The following SP100 variants were observed in gnomAD, a reference collection of about 807,000 sequenced individuals.
SP100 encodes SP100 nuclear body protein, also known as nuclear autoantigen Sp-100.
SP100 carries 84 observed loss-of-function variants against 130.0 expected under a neutral mutation model. That is an observed-to-expected ratio of 0.65 (90% confidence interval 0.54 to 0.77). SP100 has a LOEUF of 0.77. Ranked by LOEUF, SP100 falls within the 30% of genes least tolerant of loss-of-function variation. SP100 has a pLI of 0.00. For missense variants in SP100, 978 were observed against 1,052.2 expected, an observed-to-expected ratio of 0.93 and a Z score of 0.97; for synonymous variants, 331 against 351.7, an observed-to-expected ratio of 0.94 and a Z score of 0.66.
At chr2:230,524,198 A>G (rs1362720801) in intron 24 of SP100, among the ~76,000 whole-genome samples, 13 of 148,998 alleles carry the variant, frequency 8.7e-5, no homozygotes, top group African/African-American at 2.2e-4. Context: ...AAAAAAAAAA[A>G]AAAGAAAATT....
chr2:230,493,793 C>A (rs528178593), intron 17 of SP100: 1 of 151,960 alleles, frequency 6.6e-6, no homozygotes. Flanking sequence ...TTTTTTGAGA[C>A]GGAGTCTTGC....
Position 230,543,180 on chromosome 2 carries a change from T to G in SP100, c.*234T>G, listed in dbSNP as rs933689323. On this transcript the variant is annotated 3_prime_UTR_variant, in exon 29 of 29. Coordinates refer to ENST00000340126, the MANE Select transcript of SP100 (RefSeq NM_001080391.2). Reference sequence around the variant, plus strand: ...ATATCCCAAAATAATAAGAGCCATTTATGACAAACCCACAGACAACATTAT... The same window carrying G: ...ATATCCCAAAATAATAAGAGCCATTGATGACAAACCCACAGACAACATTAT... The G allele has an allele frequency of 1.1e-5, 4 of 349,466 alleles. No individual in the cohort carries two copies. The highest frequency in any genetic ancestry group is 2.1e-5 in the Non-Finnish European group (4 of 189,490). The allele number at this position is 349,466 out of a possible 1,614,324, so 21.6% of individuals were successfully genotyped here.
intron 8 of SP100, among the ~76,000 whole-genome samples, chr2:230,458,519 C>G (rs1418802844): frequency 6.6e-6 from 1 of 152,124 alleles, no homozygotes; most frequent in African/African-American, 2.4e-5. Flanking sequence ...ATGAGTGAGA[C>G]AGATTTTAGA....
At chr2:230,469,974 C>T in intron 14 of SP100, 41 bp from the exon 15 acceptor site, 5 of 1,583,882 alleles carry the variant, frequency 3.2e-6, no homozygotes, top group Non-Finnish European at 3.4e-6. Flanking sequence ...ATTCCTAAGA[C>T]TCAGACTAAG....
intron 24 of SP100, chr2:230,515,821 G>A: frequency 7.1e-7 from 1 of 1,407,610 alleles, no homozygotes. Flanking sequence ...GCCCTGTCCT[G>A]GTGGTATTTA....
intron 15 of SP100, chr2:230,470,419 T>TGG: frequency 3.0e-6 from 3 of 1,010,218 alleles, no homozygotes; most frequent in Non-Finnish European, 3.6e-6. Flanking sequence ...ATTTTTATAG[T>TGG]GATAAATGGG....
At chr2:230,430,420 C>G (rs1232151576) in intron 2 of SP100, among the ~76,000 whole-genome samples, 1 of 152,158 alleles carries the variant, frequency 6.6e-6, no homozygotes, top group East Asian at 1.9e-4. Context: ...TTGGGTGTTG[C>G]CACTGGATTA....
intron 18 of SP100, among the ~76,000 whole-genome samples, chr2:230,495,280 G>A (rs1435008414): frequency 1.3e-5 from 2 of 152,162 alleles, no homozygotes; most frequent in African/African-American, 4.8e-5. Flanking sequence ...CAGAGTACTG[G>A]TGCCACATCA....
intron 19 of SP100, among the ~76,000 whole-genome samples, chr2:230,502,336 C>T (rs1227368252): frequency 6.6e-6 from 1 of 152,164 alleles, no homozygotes; most frequent in Admixed American, 6.5e-5. Context: ...AGTACAAAAC[C>T]TTCCAAGTTT....
At position 230,504,213 on chromosome 2, in the gene SP100, T is replaced by G; in HGVS notation, c.1793T>G (p.Ile598Ser). 6.2e-7 allele frequency: 1 copy of G among 1,611,948 alleles called. No homozygotes were observed. The highest frequency in any genetic ancestry group is 2.2e-5 in the East Asian group (1 of 44,856). ...RGPRIPKDEN[I>S]NFKQSELPVT... ...CCAAGAATTCCCAAAGATGAAAATA[T>G]TAATTTTAAACAATCTGAACTTCCT... is the stretch of plus-strand genomic sequence containing the variant. The change falls in exon 21 of 29, where the codon ATT (isoleucine) becomes AGT (serine). Residue 598 changes from isoleucine to serine, a missense_variant. Transcript: ENST00000340126.
chr2:230,493,055 C>A (rs889812151), intron 17 of SP100, among the ~76,000 whole-genome samples: 1 of 152,126 alleles, frequency 6.6e-6, no homozygotes, highest in Non-Finnish European at 1.5e-5. Flanking sequence ...GGGTCAATTT[C>A]TCTGTCACAG....
rs866982251 is a variant in SP100 at position 230,511,166 on chromosome 2, T to C, written c.2094T>C (p.Cys698=). Residue 698 remains cysteine, a splice_region_variant and synonymous_variant, in exon 24 of 29, where the codon TGT becomes TGC. Coordinates refer to ENST00000340126, the MANE Select transcript of SP100 (RefSeq NM_001080391.2). ...ESHNNTLVDP[C]PENSNICEVC... ...ACAACAATACCTTAGTTGACCCTTGTGTAAGTATAAATTTCCGACTATGAC... is the reference window on the plus strand; with the variant it reads ...ACAACAATACCTTAGTTGACCCTTGCGTAAGTATAAATTTCCGACTATGAC... 6 of 1,606,934 alleles carry C rather than the reference T, an allele frequency of 3.7e-6. No individual in the cohort carries two copies. The African/African-American group carries it at 8.0e-5, about 22-fold the overall frequency.
At chr2:230,424,667 T>TTA (rs2062867910) in intron 2 of SP100, among the ~76,000 whole-genome samples, 1 of 76,466 alleles carries the variant, frequency 1.3e-5, no homozygotes, top group Non-Finnish European at 2.7e-5. Context: ...AGACTCCATC[T>TTA]CAAAAAAAAA....
rs1312808728 is a variant in SP100 at position 230,545,059 on chromosome 2, C to A, written c.*2113C>A. Among the ~76,000 whole-genome samples the A allele has an allele frequency of 6.6e-6, 1 of 152,162 alleles. No homozygotes were observed. Among genetic ancestry groups the A allele is most frequent in the Non-Finnish European group, 1.5e-5 (1 of 68,036 alleles). On this transcript the variant is annotated 3_prime_UTR_variant, in exon 29 of 29. Transcript: ENST00000340126. ...TAGTGCTAAAAGCAGAACTGCCATTCCACCCAGCAATCCCATTACTGGGTA... is the reference window on the plus strand; with the variant it reads ...TAGTGCTAAAAGCAGAACTGCCATTACACCCAGCAATCCCATTACTGGGTA...
chr2:230,469,935 C>T, intron 14 of SP100, 80 bp from the exon 15 acceptor site: 1 of 1,527,124 alleles, frequency 6.5e-7, no homozygotes. Context: ...TTCTCTTGTT[C>T]AGTTTTGCTT....
intron 8 of SP100, among the ~76,000 whole-genome samples, chr2:230,451,583 A>G (rs923177399): frequency 6.6e-6 from 1 of 152,166 alleles, no homozygotes; most frequent in African/African-American, 2.4e-5. Flanking sequence ...ATTTTTTCCC[A>G]TTCTGTAGGT....
At chr2:230,458,077 A>C (rs1468622891) in intron 8 of SP100, among the ~76,000 whole-genome samples, 1 of 151,998 alleles carries the variant, frequency 6.6e-6, no homozygotes, top group Non-Finnish European at 1.5e-5. Context: ...ATTAAATAAC[A>C]AAACACAGTT....
chr2:230,502,602 G>A (rs912577847), intron 19 of SP100, among the ~76,000 whole-genome samples: 4 of 152,184 alleles, frequency 2.6e-5, no homozygotes, highest in Non-Finnish European at 5.9e-5. Context: ...CTGAATACGT[G>A]TTCAACTTCA....
At chr2:230,541,444 G>A (rs552578071) in intron 27 of SP100, 72 bp downstream of exon 27, 2 of 1,281,072 alleles carry the variant, frequency 1.6e-6, no homozygotes, top group African/African-American at 1.5e-5. Context: ...CATGGCACAA[G>A]GTGCCATTCT....
Sources: allele counts gnomAD v4.1 joint callset (sites outside exome capture counted in the v4.1 genomes callset), GRCh38; gene constraint gnomAD v4.1.1; transcripts MANE v1.5; gene names NCBI Gene and HGNC (gene_info 2026-07-23, HGNC 2026-07-21).